The following CROCC variants were observed in gnomAD, a reference collection of about 807,000 sequenced individuals.
CROCC encodes the protein rootletin.
CROCC carries 180 observed loss-of-function variants against 245.2 expected under a neutral mutation model. That is an observed-to-expected ratio of 0.73 (90% CI 0.65 to 0.83). CROCC has a LOEUF of 0.83. Among genes scored for constraint, CROCC ranks in the 40% least tolerant of loss-of-function variants. The pLI is 0.00. For missense variants in CROCC, 2,688 were observed against 2,779.4 expected (o/e 0.97, Z 0.74); for synonymous variants, 1,205 against 1,241.6 (o/e 0.97, Z 0.62).
chr1:16,916,560 G>A (rs1369393429), intron 1 of CROCC, among the ~76,000 whole-genome samples: 1 of 152,278 alleles, frequency 6.6e-6, no homozygotes, highest in Non-Finnish European at 1.5e-5. Context: ...AGGCTAGAGT[G>A]CAGTGACACA....
Position 16,958,607 on chromosome 1 carries a change from A to G in CROCC, c.3889A>G (p.Thr1297Ala). ...GATGAAGATGCTGGACAGTGAGAACACCAGACTGGGCCGGGAGCTGGCGGA... is the reference window on the plus strand; with the variant it reads ...GATGAAGATGCTGGACAGTGAGAACGCCAGACTGGGCCGGGAGCTGGCGGA... ...RQMKMLDSEN[T>A]RLGRELAELQ... Residue 1297 changes from threonine to alanine, a missense_variant, in exon 26 of 37, where the codon ACC becomes GCC. Thr to Ala is a moderately conservative substitution (Grantham distance 58, BLOSUM62 0). Transcript: ENST00000375541. The G allele has an allele frequency of 6.4e-7, 1 of 1,554,120 alleles. No individual in the cohort carries two copies. Among genetic ancestry groups the G allele is most frequent in the Non-Finnish European group, 8.7e-7 (1 of 1,149,124 alleles).
rs2075672002 is a variant in CROCC, at chr1:16,931,321, A to G, written c.880A>G (p.Ser294Gly). 1 of 1,612,452 alleles carries G rather than the reference A, an allele frequency of 6.2e-7. No individual in the cohort carries two copies. The highest frequency in any genetic ancestry group is 8.5e-7 in the Non-Finnish European group (1 of 1,178,840). ...CAACGCCTACTTCAGCAACGAGCAC[A>G]GTCGCCTGCTCCTCCTCTGGAGGCA... ...SFNAYFSNEH[S>G]RLLLLWRQVV... The change falls in exon 8 of 37, where the codon AGT becomes GGT. Residue 294 changes from serine to glycine, a missense_variant. Ser to Gly is a moderately conservative substitution (Grantham distance 56). Transcript: ENST00000375541.
Position 16,953,320 on chromosome 1 carries a change from C to G in CROCC, c.3025C>G (p.Leu1009Val), listed in dbSNP as rs753925399. The G allele has an allele frequency of 6.3e-7, 1 of 1,591,304 alleles. No homozygotes were observed. The highest frequency in any genetic ancestry group is 8.5e-7 in the Non-Finnish European group (1 of 1,171,002). Residue 1009 changes from leucine to valine, a missense_variant, in exon 21 of 37, where the codon CTG becomes GTG. Coordinates refer to ENST00000375541, the MANE Select transcript of CROCC (RefSeq NM_014675.5). Reference protein sequence around the residue: ...QREKEAAWRELEAERAQLQSQ... With the variant: ...QREKEAAWREVEAERAQLQSQ... ...CCCCTAGGAGGCAGCATGGCGGGAGCTGGAGGCCGAGCGGGCCCAGCTGCA... is the reference window on the plus strand; with the variant it reads ...CCCCTAGGAGGCAGCATGGCGGGAGGTGGAGGCCGAGCGGGCCCAGCTGCA...
chr1:16,938,498 A>G lies in CROCC; in HGVS notation c.1374+15A>G. On this transcript the variant is annotated intron_variant, in intron 11 of 36. Coordinates refer to ENST00000375541, the MANE Select transcript of CROCC (RefSeq NM_014675.5). ...ACCTGGCACAGGTGTGAGCCCAGAGAGGCGGGAAGACAGCGCCCTGCCAGG... is the reference window on the plus strand; with the variant it reads ...ACCTGGCACAGGTGTGAGCCCAGAGGGGCGGGAAGACAGCGCCCTGCCAGG... 1 of 1,555,978 alleles carries G rather than the reference A, an allele frequency of 6.4e-7. No individual in the cohort carries two copies. Among genetic ancestry groups the G allele is most frequent in the South Asian group, 1.2e-5 (1 of 84,336 alleles).
At chr1:16,943,308 C>A (rs1302986100) in intron 13 of CROCC, among the ~76,000 whole-genome samples, 12 of 152,134 alleles carry the variant, frequency 7.9e-5, no homozygotes, top group Non-Finnish European at 1.6e-4. Flanking sequence ...GAGGCCGAGG[C>A]GGGCAGGTCA....
upstream of CROCC, among the ~76,000 whole-genome samples, chr1:16,920,927 A>G (rs560326058): frequency 2.0e-4 from 31 of 152,346 alleles, no homozygotes; most frequent in East Asian, 6.0e-3. Context: ...TATTTTTGGT[A>G]GAGACGGGGT....
chr1:16,914,471 C>T (rs2075282856), intron 1 of CROCC, among the ~76,000 whole-genome samples: 2 of 152,272 alleles, frequency 1.3e-5, no homozygotes, highest in South Asian at 4.1e-4. Context: ...GGCCTCTGCC[C>T]CCCGCAGATG....
At chr1:16,967,336 CA>C (rs1279179318) in intron 30 of CROCC, among the ~76,000 whole-genome samples, 1 of 152,172 alleles carries the variant, frequency 6.6e-6, no homozygotes, top group East Asian at 1.9e-4. Flanking sequence ...ACAGTGCAGC[CA>C]AAGCTCCCCT....
Position 16,970,455 on chromosome 1 carries a change from T to C in CROCC, c.5652+2T>C, listed in dbSNP as rs755478783. ...GCCCTCAGGAGGACGCTGGACAAGG[T>C]AGGCTGCTCCCCAGGCTCTCCCCTC... On this transcript the variant is annotated splice_donor_variant, in intron 34 of 36. Transcript: ENST00000375541. LOFTEE classifies it high-confidence loss of function. 1 of 1,572,958 alleles carries C rather than the reference T, an allele frequency of 6.4e-7. No homozygotes were observed. Among genetic ancestry groups the C allele is most frequent in the Non-Finnish European group, 8.7e-7 (1 of 1,155,700 alleles).
chr1:16,935,474 G>A (rs2075768081), intron 8 of CROCC, among the ~76,000 whole-genome samples: 1 of 152,252 alleles, frequency 6.6e-6, no homozygotes. Flanking sequence ...AGGCTGGAGT[G>A]CAGTGGCCCA....
At position 16,936,739 on chromosome 1, in the gene CROCC, C is replaced by G. The variant is rs143794023; in HGVS notation, c.1059C>G (p.Ala353=). 2.0e-5 allele frequency: 32 copies of G among 1,609,508 alleles called. No homozygotes were observed. The highest frequency in any genetic ancestry group is 5.5e-5 in the South Asian group (5 of 90,676). ...GCCTACGGCTGGCAGAGAGCCGGGCCGAGGCAGCCCTGGAGAAACAGGCCC... is the reference window on the plus strand; with the variant it reads ...GCCTACGGCTGGCAGAGAGCCGGGCGGAGGCAGCCCTGGAGAAACAGGCCC... The part of the protein sequence containing the change: ...STGLRLAESR[A]EAALEKQALL... Residue 353 remains alanine, a synonymous_variant, in exon 9 of 37, where the codon GCC becomes GCG. Transcript: ENST00000375541.
At chr1:16,938,330 G>T in intron 10 of CROCC, 70 bp from the exon 11 acceptor site, 1 of 1,413,370 alleles carries the variant, frequency 7.1e-7, no homozygotes, top group Non-Finnish European at 9.7e-7. Context: ...GGGCCAGGTA[G>T]GGAGGGAAAG....
Position 16,936,991 on chromosome 1 carries a change from C to T in CROCC, c.1193+118C>T, listed in dbSNP as rs116364888. On this transcript the variant is annotated intron_variant, in intron 9 of 36. Coordinates refer to ENST00000375541, the MANE Select transcript of CROCC (RefSeq NM_014675.5). ...AAGGGCCTTCCTCTGTGAGCTCAGC[C>T]AGTCTTCCCATGCACTGAGGTTCCG... 6.2e-4 allele frequency: 676 copies of T among 1,099,006 alleles called. 2 individuals carry two copies. The African/African-American group carries it at 9.2e-3, about 15-fold the overall frequency. 68.1% of individuals were successfully genotyped at this position (1,099,006 alleles called of 1,614,324 possible).
chr1:16,922,587 A>G, intron 1 of CROCC, 76 bp from the exon 2 acceptor site: 1 of 1,516,696 alleles, frequency 6.6e-7, no homozygotes, highest in Middle Eastern at 1.8e-4. Context: ...GGGCAGTAGG[A>G]TTCTGTGGCT....
rs781119852 is a variant in CROCC, at chr1:16,966,462, A to C, written c.4751A>C (p.Gln1584Pro). The change falls in exon 30 of 37, where the codon CAG becomes CCG. Residue 1584 changes from glutamine (Q) to proline (P), a missense_variant. Physicochemically the swap from Gln to Pro is moderately conservative, Grantham distance 76. This residue lies in a region of CROCC where 1,218 missense variants were observed against 1,286.3 expected (regional missense o/e 0.95). Transcript: ENST00000375541. The surrounding 1 kb of genome is among the most constrained non-coding windows in gnomAD (Gnocchi z 4.8). ...LSGVQAELALQEESVRRSERE... is the reference protein window; with the variant it reads ...LSGVQAELALPEESVRRSERE... ...GGGGTCCAGGCGGAGCTGGCGCTGCAGGAGGAGAGTGTGCGGCGCAGTGAG... is the reference window on the plus strand; with the variant it reads ...GGGGTCCAGGCGGAGCTGGCGCTGCCGGAGGAGAGTGTGCGGCGCAGTGAG... The C allele has an allele frequency of 6.5e-7, 1 of 1,536,614 alleles. No homozygotes were observed. The highest frequency in any genetic ancestry group is 1.2e-5 in the South Asian group (1 of 83,812).
intron 24 of CROCC, among the ~76,000 whole-genome samples, 160 bp downstream of exon 24, chr1:16,955,710 T>C (rs2076239807): frequency 6.6e-6 from 1 of 152,086 alleles, no homozygotes; most frequent in Non-Finnish European, 1.5e-5. Flanking sequence ...TTCCTCCCTG[T>C]TGATTGGGGA....
intron 25 of CROCC, among the ~76,000 whole-genome samples, chr1:16,956,399 G>A (rs908665987): frequency 7.9e-5 from 12 of 152,224 alleles, no homozygotes; most frequent in African/African-American, 1.9e-4. Flanking sequence ...AAGGAGAGGA[G>A]CTGGTGTCCT....
At chr1:16,931,500 G>A in intron 8 of CROCC, 103 bp downstream of exon 8, 1 of 1,145,928 alleles carries the variant, frequency 8.7e-7, no homozygotes, top group Non-Finnish European at 1.3e-6. Context: ...CACTTACTGT[G>A]CACAAGGGCC....
chr1:16,972,385 A>G lies in CROCC; in HGVS notation c.5993A>G (p.Gln1998Arg), dbSNP rs1293205160. ...EQVSTLKGQL[Q>R]QELRRSSAPF... ...GTGTCCACACTGAAGGGCCAGCTGC[A>G]GCAGGAGCTTCGAAGGAGCTCAGCA... Residue 1998 changes from glutamine (Q) to arginine (R), a missense_variant, in exon 37 of 37, where the codon CAG becomes CGG. Coordinates refer to ENST00000375541, the MANE Select transcript of CROCC (RefSeq NM_014675.5). The G allele has an allele frequency of 1.9e-6, 3 of 1,614,016 alleles. No individual in the cohort carries two copies. The highest frequency in any genetic ancestry group is 2.5e-6 in the Non-Finnish European group (3 of 1,179,942).
Sources: allele counts gnomAD v4.1 joint callset (sites outside exome capture counted in the v4.1 genomes callset), GRCh38; gene constraint gnomAD v4.1.1; regional missense constraint gnomAD v4.1.1; non-coding constraint Gnocchi (gnomAD v3.1); transcripts MANE v1.5; gene names NCBI Gene and HGNC (gene_info 2026-07-23, HGNC 2026-07-21).